The following SNAP91 variants were observed in gnomAD, a reference collection of about 807,000 sequenced individuals.
The protein encoded by SNAP91 is synaptosome associated protein 91.
SNAP91 carries 27 observed loss-of-function variants against 100.3 expected under a neutral mutation model. The observed-to-expected ratio is 0.27, with a 90% CI of 0.20 to 0.37. The LOEUF (loss-of-function observed/expected upper bound fraction) is 0.37. Ranked by LOEUF, SNAP91 falls within the 10% of genes least tolerant of loss-of-function variation. The probability of loss-of-function intolerance (pLI) is 1.00; values close to 1 mark genes in which losing one functional copy is unlikely to be tolerated. For missense variants in SNAP91, 986 were observed against 1,123.7 expected (o/e 0.88, Z 1.75); for synonymous variants, 404 against 398.6 (o/e 1.01, Z -0.16).
intron 2 of SNAP91, among the ~76,000 whole-genome samples, chr6:83,694,507 C>T (rs901493870): frequency 4.6e-5 from 7 of 152,142 alleles, no homozygotes; most frequent in African/African-American, 7.2e-5. Context: ...ATCATAATAT[C>T]GTGCCATATA....
chr6:83,580,494 G>A lies in SNAP91; in HGVS notation c.2255C>T (p.Ala752Val). 7 of 1,613,636 alleles carry A rather than the reference G, an allele frequency of 4.3e-6. No individual in the cohort carries two copies. The highest frequency in any genetic ancestry group is 1.1e-5 in the South Asian group (1 of 91,054). ...PPSPAMAASKALGSDLDSSLA... is the reference protein window; with the variant it reads ...PPSPAMAASKVLGSDLDSSLA... ...AGATGAATCAAGATCACTTCCAAGGGCTTTGCTGGCTGCCATTGCAGGACT... is the reference window on the plus strand; with the variant it reads ...AGATGAATCAAGATCACTTCCAAGGACTTTGCTGGCTGCCATTGCAGGACT... Residue 752 changes from alanine (A) to valine (V), a missense_variant, in exon 24 of 30, where the codon GCC becomes GTC. Ala to Val is a moderately conservative substitution (Grantham distance 64). Transcript: ENST00000369694.
At chr6:83,608,545 G>C (rs1274684178) in intron 12 of SNAP91, among the ~76,000 whole-genome samples, 3 of 152,112 alleles carry the variant, frequency 2.0e-5, no homozygotes, top group African/African-American at 7.2e-5. Context: ...TCAAAACAAT[G>C]TATTGATACT....
chr6:83,690,228 C>A, intron 2 of SNAP91: 1 of 1,049,514 alleles, frequency 9.5e-7, no homozygotes, highest in Non-Finnish European at 1.2e-6. Context: ...CTTACTAATA[C>A]TACTATGATG....
At chr6:83,610,070 T>A (rs751450312) in intron 12 of SNAP91, among the ~76,000 whole-genome samples, 3 of 152,052 alleles carry the variant, frequency 2.0e-5, no homozygotes, top group Non-Finnish European at 2.9e-5. Context: ...CAATTTAAAT[T>A]AGAATTACCA....
At chr6:83,647,152 T>C (rs996713871) in intron 7 of SNAP91, among the ~76,000 whole-genome samples, 3 of 151,950 alleles carry the variant, frequency 2.0e-5, no homozygotes, top group African/African-American at 7.3e-5. Flanking sequence ...AGAAGTCTTA[T>C]TGCTCCATCC....
At chr6:83,560,071 T>C (rs367831312) in intron 28 of SNAP91, 33 bp downstream of exon 28, 221 of 1,528,150 alleles carry the variant, frequency 1.4e-4, no homozygotes, top group Non-Finnish European at 1.9e-4. Context: ...TATTAGTTAA[T>C]GTCACTGATT....
chr6:83,685,099 G>T (rs2099043012), intron 2 of SNAP91, among the ~76,000 whole-genome samples: 1 of 152,160 alleles, frequency 6.6e-6, no homozygotes, highest in Non-Finnish European at 1.5e-5. Context: ...AACAAGACAA[G>T]AATTATGATT....
At chr6:83,583,391 T>C (rs1831271060) in intron 22 of SNAP91, among the ~76,000 whole-genome samples, 2 of 152,214 alleles carry the variant, frequency 1.3e-5, no homozygotes. Flanking sequence ...TTAATGTTTA[T>C]TAAATGAAGG....
rs186370272 is a variant in SNAP91, at chr6:83,601,336, G to A, written c.1259C>T (p.Ala420Val). The change falls in exon 16 of 30, where the codon GCC (alanine) becomes GTC (valine). Residue 420 changes from alanine to valine, a missense_variant. Coordinates refer to ENST00000369694, the MANE Select transcript of SNAP91 (RefSeq NM_001242792.2). ...TGTAGTAGTGGAGGCAGAAGCTGAGGCAGTTGCAATTTCAGCAGTTGTAGT... is the reference window on the plus strand; with the variant it reads ...TGTAGTAGTGGAGGCAGAAGCTGAGACAGTTGCAATTTCAGCAGTTGTAGT... The part of the protein sequence containing the change: ...PPTTTAEIAT[A>V]SASASTTTTV... 1.5e-4 allele frequency: 237 copies of A among 1,613,598 alleles called. No homozygotes were observed. In the Middle Eastern group the frequency reaches 2.3e-3, roughly 16 times the overall value.
intron 8 of SNAP91, 71 bp from the exon 9 acceptor site, chr6:83,623,413 C>T: frequency 9.1e-7 from 1 of 1,093,678 alleles, no homozygotes; most frequent in South Asian, 1.4e-5. Context: ...GGAAGATCAC[C>T]TACACAATTA....
At chr6:83,572,840 T>C (rs1562154697) in intron 26 of SNAP91, among the ~76,000 whole-genome samples, 1 of 152,238 alleles carries the variant, frequency 6.6e-6, no homozygotes, top group Non-Finnish European at 1.5e-5. Flanking sequence ...TTGTGAGATT[T>C]AATGTCATTA....
chr6:83,591,855 A>C (rs570810965), intron 21 of SNAP91, among the ~76,000 whole-genome samples: 53 of 152,258 alleles, frequency 3.5e-4, no homozygotes, highest in African/African-American at 1.2e-3. Context: ...AAGCTTTCTA[A>C]GGATAGTATT....
At chr6:83,656,485 C>T (rs1202636964) in intron 7 of SNAP91, among the ~76,000 whole-genome samples, 2 of 152,156 alleles carry the variant, frequency 1.3e-5, no homozygotes, top group Non-Finnish European at 2.9e-5. Flanking sequence ...CAGCCATCCA[C>T]CAAGTAACAG....
At chr6:83,575,167 A>C in intron 25 of SNAP91, 46 bp from the exon 26 acceptor site, 22 of 1,321,796 alleles carry the variant, frequency 1.7e-5, no homozygotes, top group Non-Finnish European at 2.1e-5. Context: ...AAAATCACAA[A>C]TCAGAAAAAA....
In SNAP91 at chr6:83,659,099, T is replaced by TA; in HGVS notation, c.453-8_453-7insT. The TA allele has an allele frequency of 6.6e-7, 1 of 1,506,780 alleles. No individual in the cohort carries two copies. Among genetic ancestry groups the TA allele is most frequent in the Non-Finnish European group, 8.8e-7 (1 of 1,130,634 alleles). The allele number at this position is 1,506,780 out of a possible 1,614,324, so 93.3% of individuals were successfully genotyped here. ...CCTCATTACACCATCGGCCCTACAA[T>TA]TAAAAAAAAAAAAAAGGTACAATTT... On this transcript the variant is annotated splice_polypyrimidine_tract_variant and splice_region_variant and intron_variant, in intron 5 of 29. Transcript: ENST00000369694.
chr6:83,691,803 G>A (rs763686313), intron 2 of SNAP91, among the ~76,000 whole-genome samples: 1 of 152,178 alleles, frequency 6.6e-6, no homozygotes, highest in Non-Finnish European at 1.5e-5. Context: ...TATTTGAAAA[G>A]TGTAAAGTAA....
intron 2 of SNAP91, among the ~76,000 whole-genome samples, chr6:83,699,610 C>T (rs2099266308): frequency 6.6e-6 from 1 of 152,020 alleles, no homozygotes; most frequent in African/African-American, 2.4e-5. Flanking sequence ...TGAGAATAAG[C>T]AATAATCAAT....
At chr6:83,685,678 A>C (rs907978822) in intron 2 of SNAP91, among the ~76,000 whole-genome samples, 2 of 152,124 alleles carry the variant, frequency 1.3e-5, no homozygotes, top group African/African-American at 4.8e-5. Context: ...ACCTTGCAGA[A>C]CCTGCTTCGG....
intron 6 of SNAP91, among the ~76,000 whole-genome samples, chr6:83,658,740 C>T (rs73751571): frequency 6.6e-6 from 1 of 152,210 alleles, no homozygotes; most frequent in Admixed American, 6.5e-5. Flanking sequence ...TAGGAAGTCA[C>T]TATCCTGCTC....
Sources: gnomAD v4.1 joint callset for allele counts (sites outside exome capture counted in the v4.1 genomes callset) on GRCh38, gnomAD v4.1.1 for gene constraint, MANE v1.5 for transcripts, NCBI Gene and HGNC (gene_info 2026-07-23, HGNC 2026-07-21) for gene names.